NEIL3: variants seen among roughly 807,000 people sequenced by gnomAD.
NEIL3 encodes the protein endonuclease 8-like 3.
A neutral mutation model predicts 57.5 loss-of-function variants in NEIL3; 48 were observed. The observed-to-expected ratio is 0.83, with a 90% CI of 0.66 to 1.06. NEIL3 has a LOEUF of 1.06. NEIL3 is among the 50% of genes least tolerant of loss of function. NEIL3 has a pLI of 0.00. For synonymous variants in NEIL3, 261 were observed against 253.2 expected (o/e 1.03, Z -0.29); for missense variants, 717 against 739.1 (o/e 0.97, Z 0.35).
At chr4:177,319,094 C>A (rs1734627521) in intron 1 of NEIL3, among the ~76,000 whole-genome samples, 1 of 152,154 alleles carries the variant, frequency 6.6e-6, no homozygotes, top group Admixed American at 6.5e-5. Context: ...GGTGTAAGTT[C>A]TTGTCAAAGC....
chr4:177,312,875 A>AG (rs34895391), intron 1 of NEIL3, among the ~76,000 whole-genome samples: 1 of 152,258 alleles, frequency 6.6e-6, no homozygotes, highest in African/African-American at 2.4e-5. Context: ...GAAAAAAAAA[A>AG]CATAATTATA....
intron 2 of NEIL3, among the ~76,000 whole-genome samples, chr4:177,330,717 AAG>A (rs2110900718): frequency 6.6e-6 from 1 of 152,342 alleles, no homozygotes; most frequent in African/African-American, 2.4e-5. Context: ...CCAAAGCAAA[AAG>A]AAATCAATTT....
At chr4:177,371,190 A>G in the NEIL3 span, among the ~76,000 whole-genome samples, 1 of 152,260 alleles carries the variant, frequency 6.6e-6, no homozygotes, top group Non-Finnish European at 1.5e-5. Flanking sequence ...TACCTTCCAT[A>G]TTAACATATC....
At position 177,360,559 on chromosome 4, in the gene NEIL3, G is replaced by A. The variant is rs369826671; in HGVS notation, c.1517G>A (p.Arg506His). Reference sequence around the variant, plus strand: ...CGTACCTTAAATCCTGACAGCCCTCGCTGCAGTAAACACAACCGCCTCTGC... The same window carrying A: ...CGTACCTTAAATCCTGACAGCCCTCACTGCAGTAAACACAACCGCCTCTGC... ...GPRTLNPDSP[R>H]CSKHNRLCIL... Residue 506 changes from arginine to histidine, a missense_variant, in exon 9 of 10, where the codon CGC becomes CAC. Arg to His is a conservative substitution (Grantham distance 29). Transcript: ENST00000264596. The A allele has an allele frequency of 1.5e-5, 24 of 1,613,776 alleles. No individual in the cohort carries two copies. In the Admixed American group the frequency reaches 1.7e-4, roughly 11 times the overall value.
the NEIL3 span, among the ~76,000 whole-genome samples, chr4:177,370,419 A>G: frequency 6.6e-6 from 1 of 152,170 alleles, no homozygotes; most frequent in African/African-American, 2.4e-5. Context: ...TCACCCCATG[A>G]TGGATCCAAG....
At chr4:177,343,970 T>C (rs1003681911) in intron 6 of NEIL3, among the ~76,000 whole-genome samples, 20 of 152,254 alleles carry the variant, frequency 1.3e-4, no homozygotes, top group Admixed American at 5.2e-4. Context: ...TAATGTTCTG[T>C]ATTGGTTTTC....
At chr4:177,324,242 C>G (rs990708151) in intron 2 of NEIL3, among the ~76,000 whole-genome samples, 2 of 152,144 alleles carry the variant, frequency 1.3e-5, no homozygotes, top group Non-Finnish European at 2.9e-5. Flanking sequence ...TCCCACCCAC[C>G]TGGCTCATCT....
intron 7 of NEIL3, among the ~76,000 whole-genome samples, chr4:177,352,778 C>T (rs561888084): frequency 6.6e-6 from 1 of 151,098 alleles, no homozygotes; most frequent in African/African-American, 2.4e-5. Flanking sequence ...TGCAGTGAGC[C>T]GAGATCGCGC....
At chr4:177,359,557 A>G (rs1735564816) in intron 8 of NEIL3, among the ~76,000 whole-genome samples, 1 of 152,168 alleles carries the variant, frequency 6.6e-6, no homozygotes, top group African/African-American at 2.4e-5. Flanking sequence ...TTATTTAAGA[A>G]TGATATTTTT....
intron 2 of NEIL3, among the ~76,000 whole-genome samples, chr4:177,327,294 C>T (rs1290715327): frequency 3.3e-5 from 5 of 152,168 alleles, no homozygotes; most frequent in Non-Finnish European, 7.3e-5. Context: ...CAGACTAATA[C>T]ACTTGCTAAA....
chr4:177,335,776 C>T lies in NEIL3; in HGVS notation c.367C>T (p.Leu123Phe), dbSNP rs1734965693. The T allele has an allele frequency of 6.3e-7, 1 of 1,585,648 alleles. No individual in the cohort carries two copies. The highest frequency in any genetic ancestry group is 1.4e-5 in the African/African-American group (1 of 73,250). Reference sequence around the variant, plus strand: ...AGCTTCTCCTGTTTTGGAAGTGCAGCTCACCAAAGATTTGATTTGTTTCTT... The same window carrying T: ...AGCTTCTCCTGTTTTGGAAGTGCAGTTCACCAAAGATTTGATTTGTTTCTT... Reference protein sequence around the residue: ...NGASPVLEVQLTKDLICFFDS... With the variant: ...NGASPVLEVQFTKDLICFFDS... The change falls in exon 3 of 10, where the codon CTC becomes TTC. Residue 123 changes from leucine (L) to phenylalanine (F), a missense_variant. Coordinates refer to ENST00000264596, the MANE Select transcript of NEIL3 (RefSeq NM_018248.3).
chr4:177,329,616 T>C (rs1452531709), intron 2 of NEIL3, among the ~76,000 whole-genome samples: 1 of 152,192 alleles, frequency 6.6e-6, no homozygotes, highest in African/African-American at 2.4e-5. Flanking sequence ...GAGAAACTAA[T>C]ATTGTTGAAT....
intron 2 of NEIL3, among the ~76,000 whole-genome samples, chr4:177,324,995 A>G (rs760158149): frequency 3.9e-5 from 6 of 152,180 alleles, no homozygotes; most frequent in African/African-American, 7.2e-5. Context: ...ATAAGTAAAT[A>G]TATTTTTCCA....
Position 177,335,688 on chromosome 4 carries a change from G to A in NEIL3, c.279G>A (p.Arg93=). ...CAAAAATGGTTTGATTTTGTTTCAGGATTCATTTCGGAATGAAAGGCTTCA... is the reference window on the plus strand; with the variant it reads ...CAAAAATGGTTTGATTTTGTTTCAGAATTCATTTCGGAATGAAAGGCTTCA... ...LFMYFGPKAL[R]IHFGMKGFIM... Residue 93 remains arginine, a splice_region_variant and synonymous_variant, in exon 3 of 10, where the codon CGG becomes CGA. Coordinates refer to ENST00000264596, the MANE Select transcript of NEIL3 (RefSeq NM_018248.3). The A allele has an allele frequency of 6.2e-7, 1 of 1,608,082 alleles. No homozygotes were observed. The highest frequency in any genetic ancestry group is 8.5e-7 in the Non-Finnish European group (1 of 1,177,540).
rs140293120 is a variant in NEIL3 at position 177,316,802 on chromosome 4, A to C, written c.157-5657A>C. 6.7e-3 allele frequency among the ~76,000 whole-genome samples: 1,025 copies of C among 152,306 alleles called. 8 individuals are homozygous for C. The highest frequency in any genetic ancestry group is 0.024 in the African/African-American group (988 of 41,556). On this transcript the variant is annotated intron_variant, in intron 1 of 9. Coordinates refer to ENST00000264596, the MANE Select transcript of NEIL3 (RefSeq NM_018248.3). ...GCAAGTCACAGACAAGTAATAATTC[A>C]GTATAGTAAGTACTATGACAGTGGT... is the stretch of plus-strand genomic sequence containing the variant.
intron 1 of NEIL3, among the ~76,000 whole-genome samples, chr4:177,314,169 A>G (rs1001582780): frequency 2.0e-5 from 3 of 152,222 alleles, no homozygotes; most frequent in East Asian, 1.9e-4. Context: ...AATGGATACT[A>G]ATAATGATTT....
At chr4:177,341,023 T>C (rs1163810691) in intron 5 of NEIL3, among the ~76,000 whole-genome samples, 2 of 152,118 alleles carry the variant, frequency 1.3e-5, no homozygotes, top group Non-Finnish European at 2.9e-5. Context: ...TCTTATTAAA[T>C]TTTGTCCCCT....
chr4:177,317,804 T>A (rs1192661036), intron 1 of NEIL3, among the ~76,000 whole-genome samples: 1 of 151,768 alleles, frequency 6.6e-6, no homozygotes, highest in Non-Finnish European at 1.5e-5. Flanking sequence ...ATCATGTTGG[T>A]CAGTCTGGTC....
Position 177,345,111 on chromosome 4 carries a change from G to A in NEIL3, c.869+3469G>A, listed in dbSNP as rs542974586. On this transcript the variant is annotated intron_variant, in intron 6 of 9. Coordinates refer to ENST00000264596, the MANE Select transcript of NEIL3 (RefSeq NM_018248.3). ...GTAAATGGTAAATAGATAAAGCACC[G>A]TGATGGAAGTGTTGTAAAGGGACAT... Among the ~76,000 whole-genome samples, 43 of 152,258 alleles carry A rather than the reference G, an allele frequency of 2.8e-4. 1 individual carries two copies. The South Asian group carries it at 7.7e-3, about 27-fold the overall frequency.
Sources: allele counts gnomAD v4.1 joint callset (sites outside exome capture counted in the v4.1 genomes callset), GRCh38; gene constraint gnomAD v4.1.1; transcripts MANE v1.5; gene names NCBI Gene and HGNC (gene_info 2026-07-23, HGNC 2026-07-21).